Variants in NOL4 observed in about 807,000 individuals in gnomAD.
NOL4 encodes the protein nucleolar protein 4.
A neutral mutation model predicts 75.9 loss-of-function variants in NOL4; 17 were observed. The ratio of observed to expected loss-of-function variants is 0.22; its 90% CI spans 0.15 to 0.34. The LOEUF is 0.34. NOL4 is among the 10% of genes least tolerant of loss of function. NOL4 has a pLI of 1.00. For missense variants in NOL4, 614 were observed against 793.5 expected (o/e 0.77, Z 2.72); for synonymous variants, 292 against 289.9 (o/e 1.01, Z -0.07).
At chr18:33,875,824 G>C (rs1012798142) in intron 10 of NOL4, among the ~76,000 whole-genome samples, 3 of 151,970 alleles carry the variant, frequency 2.0e-5, no homozygotes, top group African/African-American at 7.2e-5. Flanking sequence ...ATATAACAGT[G>C]AACAAGATGA....
chr18:33,870,350 T>C (rs1249450255), intron 10 of NOL4, among the ~76,000 whole-genome samples: 1 of 151,730 alleles, frequency 6.6e-6, no homozygotes, highest in African/African-American at 2.4e-5. Context: ...GAATAGGGAG[T>C]AGGGAATATT....
chr18:34,020,510 C>T (rs1008967480), intron 5 of NOL4, among the ~76,000 whole-genome samples: 1 of 152,002 alleles, frequency 6.6e-6, no homozygotes, highest in African/African-American at 2.4e-5. Context: ...GAGTTTAATA[C>T]CTAAGAAGTT....
At chr18:34,145,922 G>A (rs978192438) in intron 1 of NOL4, among the ~76,000 whole-genome samples, 1 of 151,930 alleles carries the variant, frequency 6.6e-6, no homozygotes, top group African/African-American at 2.4e-5. Context: ...TCTTCAGTGA[G>A]ACTACATATA....
At chr18:33,880,203 C>T (rs2064177364) in intron 10 of NOL4, among the ~76,000 whole-genome samples, 1 of 151,682 alleles carries the variant, frequency 6.6e-6, no homozygotes. Context: ...TTATAGAAGA[C>T]CTTTATATAT....
intron 10 of NOL4, among the ~76,000 whole-genome samples, chr18:33,872,854 G>A (rs2063762879): frequency 1.3e-5 from 2 of 152,008 alleles, no homozygotes; most frequent in East Asian, 1.9e-4. Flanking sequence ...ATACAAATTA[G>A]TATTTAAAAT....
At chr18:34,154,681 A>AT (rs2030019727) in intron 1 of NOL4, among the ~76,000 whole-genome samples, 1 of 151,944 alleles carries the variant, frequency 6.6e-6, no homozygotes, top group South Asian at 2.1e-4. Flanking sequence ...CACTCATGTC[A>AT]TATACTATTG....
intron 6 of NOL4, among the ~76,000 whole-genome samples, chr18:33,964,382 C>G (rs1190945234): frequency 6.6e-6 from 1 of 151,216 alleles, no homozygotes; most frequent in Admixed American, 6.6e-5. Context: ...CACTGTGTGT[C>G]TTCTGATATT....
intron 4 of NOL4, among the ~76,000 whole-genome samples, chr18:34,099,581 A>C (rs1228204716): frequency 6.6e-6 from 1 of 151,942 alleles, no homozygotes; most frequent in East Asian, 1.9e-4. Flanking sequence ...CTCTCTACAC[A>C]ACAGCTCAAA....
intron 1 of NOL4, among the ~76,000 whole-genome samples, chr18:34,138,212 G>C (rs970996452): frequency 1.3e-5 from 2 of 152,038 alleles, no homozygotes; most frequent in African/African-American, 4.8e-5. Flanking sequence ...AAGAGTTTTA[G>C]ACATAGTGAG....
intron 9 of NOL4, among the ~76,000 whole-genome samples, chr18:33,892,579 A>T (rs1176379899): frequency 1.3e-5 from 2 of 152,298 alleles, no homozygotes; most frequent in Admixed American, 1.3e-4. Context: ...AAGGCTTCAC[A>T]TCATTACAAG....
rs1555641507 is a variant in NOL4 at position 33,877,851 on chromosome 18, T to TGCGC, written c.1723+5389_1723+5392dup. On this transcript the variant is annotated intron_variant, in intron 10 of 10. Coordinates refer to ENST00000261592, the MANE Select transcript of NOL4 (RefSeq NM_003787.5). ...TTGTGTGTGTGTGTGTGTGTGTGTG[T>TGCGC]GCGCTATCATACATGCTTCAGAGGT... Among the ~76,000 whole-genome samples, 368 of 148,604 alleles carry TGCGC rather than the reference T, an allele frequency of 2.5e-3. 2 individuals carry two copies. Among genetic ancestry groups the TGCGC allele is most frequent in the African/African-American group, 8.5e-3 (344 of 40,562 alleles).
intron 5 of NOL4, among the ~76,000 whole-genome samples, chr18:34,049,814 T>C (rs1182916669): frequency 6.6e-6 from 1 of 152,122 alleles, no homozygotes; most frequent in African/African-American, 2.4e-5. Flanking sequence ...AACAGGACTT[T>C]ATGGATGTCG....
intron 5 of NOL4, among the ~76,000 whole-genome samples, chr18:34,040,665 A>T (rs1600359685): frequency 1.3e-5 from 2 of 152,010 alleles, no homozygotes; most frequent in South Asian, 4.2e-4. Flanking sequence ...TGTACTTTCC[A>T]CTGCCTTATG....
intron 1 of NOL4, among the ~76,000 whole-genome samples, chr18:34,211,251 T>A (rs1266649964): frequency 1.3e-5 from 2 of 152,106 alleles, no homozygotes; most frequent in Non-Finnish European, 2.9e-5. Context: ...AACAAACAAA[T>A]AAACTAATTG....
In NOL4 at chr18:34,222,939, C is replaced by T. The variant is rs771226731; in HGVS notation, c.264+51G>A. 1.9e-6 allele frequency: 3 copies of T among 1,585,704 alleles called. No individual in the cohort carries two copies. The South Asian group carries it at 3.4e-5, about 18-fold the overall frequency. On this transcript the variant is annotated intron_variant, in intron 1 of 10. Coordinates refer to ENST00000261592, the MANE Select transcript of NOL4 (RefSeq NM_003787.5). ...CTCCCGCCTCTCTCCTTCCTCCCTC[C>T]CCGCCGGGCTGCTCCGGCAGACAAA... is the stretch of plus-strand genomic sequence containing the variant.
chr18:34,067,871 G>C (rs1000774095), intron 5 of NOL4, among the ~76,000 whole-genome samples: 2 of 151,980 alleles, frequency 1.3e-5, no homozygotes, highest in African/African-American at 4.8e-5. Flanking sequence ...AGCCTGGTTT[G>C]GGGGGTGGGT....
intron 2 of NOL4, among the ~76,000 whole-genome samples, chr18:34,126,463 T>C (rs1349123055): frequency 6.6e-6 from 1 of 152,146 alleles, no homozygotes; most frequent in Non-Finnish European, 1.5e-5. Flanking sequence ...TGTGTATGTG[T>C]TTATACATAG....
intron 1 of NOL4, among the ~76,000 whole-genome samples, chr18:34,211,483 T>A (rs565992484): frequency 6.6e-6 from 1 of 152,288 alleles, no homozygotes; most frequent in African/African-American, 2.4e-5. Context: ...AGGCCTTAGA[T>A]CCCCATATGT....
chr18:33,998,641 T>C (rs1037971058), intron 6 of NOL4, among the ~76,000 whole-genome samples: 1 of 152,084 alleles, frequency 6.6e-6, no homozygotes, highest in African/African-American at 2.4e-5. Flanking sequence ...AGATGGTATA[T>C]TTTTGGACAA....
Sources: allele counts gnomAD v4.1 joint callset (sites outside exome capture counted in the v4.1 genomes callset), GRCh38; gene constraint gnomAD v4.1.1; transcripts MANE v1.5; gene names NCBI Gene and HGNC (gene_info 2026-07-23, HGNC 2026-07-21).